The following MACROD2 variants were observed in gnomAD, a reference collection of about 807,000 sequenced individuals.
MACROD2 encodes the protein ADP-ribose glycohydrolase MACROD2.
MACROD2 carries 36 observed loss-of-function variants against 70.4 expected under a neutral mutation model. That is an observed-to-expected ratio of 0.51 (90% CI 0.39 to 0.68). MACROD2 has a LOEUF of 0.68. Among genes scored for constraint, MACROD2 ranks in the 30% least tolerant of loss-of-function variants. The pLI, the probability that MACROD2 is intolerant of heterozygous loss-of-function variation, is 0.00. For missense variants in MACROD2, 496 were observed against 538.4 expected (o/e 0.92, Z 0.78); for synonymous variants, 172 against 178.8 (o/e 0.96, Z 0.30).
chr20:15,702,486 T>A (rs916708863), intron 8 of MACROD2, among the ~76,000 whole-genome samples: 1 of 152,244 alleles, frequency 6.6e-6, no homozygotes, highest in African/African-American at 2.4e-5. Flanking sequence ...AGTCTGTTCA[T>A]ATCCTTTGCC....
chr20:15,383,819 T>G (rs957065703), intron 6 of MACROD2, among the ~76,000 whole-genome samples: 2 of 152,172 alleles, frequency 1.3e-5, no homozygotes, highest in African/African-American at 4.8e-5. Flanking sequence ...AGAGGAATTA[T>G]AATAGTATAT....
intron 8 of MACROD2, among the ~76,000 whole-genome samples, chr20:15,624,324 C>T (rs1568935844): frequency 6.6e-6 from 1 of 152,198 alleles, no homozygotes; most frequent in Non-Finnish European, 1.5e-5. Flanking sequence ...CCCTCCCAGT[C>T]CACTGACTCA....
chr20:15,896,133 C>G (rs2064968724), intron 10 of MACROD2, among the ~76,000 whole-genome samples: 1 of 152,146 alleles, frequency 6.6e-6, no homozygotes, highest in African/African-American at 2.4e-5. Context: ...ATCTTCTTCC[C>G]AGCTTAGAGT....
chr20:14,170,342 C>G (rs560977593), intron 3 of MACROD2, among the ~76,000 whole-genome samples: 1 of 152,284 alleles, frequency 6.6e-6, no homozygotes, highest in Admixed American at 6.5e-5. Flanking sequence ...TTATTTCTTT[C>G]TGTTGTCTGA....
chr20:14,230,930 A>C lies in MACROD2; in HGVS notation c.271+145202A>C, dbSNP rs373371013. On this transcript the variant is annotated intron_variant, in intron 3 of 17. Transcript: ENST00000684519. ...GGTGTGAAAAAAACATTCATCTTGTAGATCAGAGCTTTTGGGTGGCCAGGA... is the reference window on the plus strand; with the variant it reads ...GGTGTGAAAAAAACATTCATCTTGTCGATCAGAGCTTTTGGGTGGCCAGGA... Among the ~76,000 whole-genome samples the C allele has an allele frequency of 2.6e-5, 4 of 151,400 alleles. No individual in the cohort carries two copies. In the East Asian group the frequency reaches 7.9e-4, roughly 30 times the overall value.
intron 5 of MACROD2, among the ~76,000 whole-genome samples, chr20:14,951,198 T>C (rs1198381905): frequency 6.6e-6 from 1 of 152,056 alleles, no homozygotes; most frequent in Non-Finnish European, 1.5e-5. Flanking sequence ...GGTTTCTGTT[T>C]AGAAGTTTGT....
intron 15 of MACROD2, among the ~76,000 whole-genome samples, chr20:16,038,653 G>A (rs1230126088): frequency 4.0e-5 from 6 of 151,352 alleles, no homozygotes; most frequent in Non-Finnish European, 5.9e-5. Flanking sequence ...TACATTAATT[G>A]TTATTTAAGC....
intron 13 of MACROD2, among the ~76,000 whole-genome samples, chr20:15,969,194 T>A (rs1962106295): frequency 6.6e-6 from 1 of 152,024 alleles, no homozygotes; most frequent in African/African-American, 2.4e-5. Flanking sequence ...AGATTGCTAG[T>A]CCCCTCAGGC....
Position 14,326,969 on chromosome 20 carries a change from GTTC to G in MACROD2, c.272-166505_272-166503del. On this transcript the variant is annotated intron_variant, in intron 3 of 17. Coordinates refer to ENST00000684519, the MANE Select transcript of MACROD2 (RefSeq NM_001351661.2). The surrounding 1 kb of genome is among the most constrained non-coding windows in gnomAD (Gnocchi z 5.5). ...GATATGCGATTATCATCCAAGCGTA[GTTC>G]TTCTATAGTCCTGGGCAAACCCCAG... 6.2e-7 allele frequency: 1 copy of G among 1,613,752 alleles called. No individual in the cohort carries two copies. Among genetic ancestry groups the G allele is most frequent in the East Asian group, 2.2e-5 (1 of 44,858 alleles).
intron 5 of MACROD2, among the ~76,000 whole-genome samples, chr20:15,113,440 G>A (rs1264802946): frequency 6.6e-6 from 1 of 152,122 alleles, no homozygotes; most frequent in Non-Finnish European, 1.5e-5. Flanking sequence ...AAAGGGGCAT[G>A]TTTAACTTTT....
chr20:14,898,822 A>G (rs766451679), intron 5 of MACROD2, among the ~76,000 whole-genome samples: 8 of 152,074 alleles, frequency 5.3e-5, no homozygotes, highest in Non-Finnish European at 1.0e-4. Context: ...TGCCTAATCC[A>G]TTGGCTTCTG....
At chr20:14,932,588 T>TA in intron 5 of MACROD2, among the ~76,000 whole-genome samples, 1 of 152,134 alleles carries the variant, frequency 6.6e-6, no homozygotes, top group Admixed American at 6.6e-5. Flanking sequence ...TTTTCTGAGA[T>TA]AGAGTCTCAA....
chr20:14,676,504 T>G (rs1174569422), intron 4 of MACROD2, among the ~76,000 whole-genome samples: 1 of 152,160 alleles, frequency 6.6e-6, no homozygotes, highest in Non-Finnish European at 1.5e-5. Flanking sequence ...AATAAATAAA[T>G]TCTTTGAAAC....
intron 5 of MACROD2, among the ~76,000 whole-genome samples, chr20:14,881,523 G>C (rs2073610987): frequency 6.6e-6 from 1 of 151,868 alleles, no homozygotes. Flanking sequence ...AAATTCCCTA[G>C]CCTGGCACCC....
chr20:14,725,974 C>T (rs191842750), intron 5 of MACROD2, among the ~76,000 whole-genome samples: 1 of 152,186 alleles, frequency 6.6e-6, no homozygotes, highest in South Asian at 2.1e-4. Flanking sequence ...TTCCTGTTAT[C>T]ATGTCCCTTA....
In MACROD2 at chr20:15,294,031, G is replaced by T. The variant is rs1396354905; in HGVS notation, c.540+63970G>T. Among the ~76,000 whole-genome samples the T allele has an allele frequency of 2.0e-5, 3 of 149,720 alleles. No individual in the cohort carries two copies. The Admixed American group carries it at 2.0e-4, about 10-fold the overall frequency. Reference sequence around the variant, plus strand: ...GCTACTTCGGGAGGCTGAGGCAGGAGAATTGCTTGAACACAGGAGGTGGAG... The same window carrying T: ...GCTACTTCGGGAGGCTGAGGCAGGATAATTGCTTGAACACAGGAGGTGGAG... On this transcript the variant is annotated intron_variant, in intron 6 of 17. Coordinates refer to ENST00000684519, the MANE Select transcript of MACROD2 (RefSeq NM_001351661.2).
chr20:14,301,930 CCTTT>C (rs758305907), intron 3 of MACROD2, among the ~76,000 whole-genome samples: 48 of 151,994 alleles, frequency 3.2e-4, no homozygotes, highest in Non-Finnish European at 6.0e-4. Context: ...CTCTTGATTT[CCTTT>C]CTTTGGATTA....
At chr20:14,290,929 A>T (rs759593155) in intron 3 of MACROD2, among the ~76,000 whole-genome samples, 18 of 152,330 alleles carry the variant, frequency 1.2e-4, no homozygotes, top group Middle Eastern at 3.4e-3. Flanking sequence ...TTAGTTTGGG[A>T]ACATAATTTA....
chr20:15,039,940 C>A (rs1461650542), intron 5 of MACROD2, among the ~76,000 whole-genome samples: 1 of 152,114 alleles, frequency 6.6e-6, no homozygotes, highest in East Asian at 1.9e-4. Context: ...GTCCTTGCTT[C>A]CTTCCACACC....
Sources: allele counts gnomAD v4.1 joint callset (sites outside exome capture counted in the v4.1 genomes callset), GRCh38; gene constraint gnomAD v4.1.1; non-coding constraint Gnocchi (gnomAD v3.1); transcripts MANE v1.5; gene names NCBI Gene and HGNC (gene_info 2026-07-23, HGNC 2026-07-21).